Variants in RBFOX1 observed in about 807,000 individuals in gnomAD.
The protein encoded by RBFOX1 is RNA binding fox-1 homolog 1.
RBFOX1 carries 8 observed loss-of-function variants against 57.7 expected under a neutral mutation model. That is an observed-to-expected ratio of 0.14 (90% confidence interval 0.08 to 0.25). The LOEUF (loss-of-function observed/expected upper bound fraction) is 0.25, where lower values mean the gene tolerates loss of function less well. Ranked by LOEUF, RBFOX1 falls within the 10% of genes least tolerant of loss-of-function variation. The probability of loss-of-function intolerance (pLI) is 1.00; values close to 1 mark genes in which losing one functional copy is unlikely to be tolerated. For missense variants in RBFOX1, 611 were observed against 548.5 expected (o/e 1.11, Z -1.14); for synonymous variants, 326 against 222.4 (o/e 1.47, Z -4.15).
At position 6,768,758 on chromosome 16, in the gene RBFOX1, C is replaced by G. The variant is rs1461505611; in HGVS notation, c.-16+114108C>G. On this transcript the variant is annotated intron_variant, in intron 3 of 15. Transcript: ENST00000550418. ...TATTTTTCTTTTTTTTTTTTTGAGA[C>G]TTGCTTTGTCGCCAGGTTGGAGTGC... Among the ~76,000 whole-genome samples, 12 of 140,668 alleles carry G rather than the reference C, an allele frequency of 8.5e-5. No homozygotes were observed. The East Asian group carries it at 2.3e-3, about 27-fold the overall frequency. The allele number at this position is 140,668 out of a possible 152,430, so 92.3% of individuals were successfully genotyped here.
At chr16:6,404,113 AC>A (rs911036168) in intron 2 of RBFOX1, among the ~76,000 whole-genome samples, 1 of 152,164 alleles carries the variant, frequency 6.6e-6, no homozygotes, top group African/African-American at 2.4e-5. Flanking sequence ...GAGTCAACCA[AC>A]CACAGATCGA....
chr16:5,567,322 T>G (rs528508128), intron 2 of RBFOX1, among the ~76,000 whole-genome samples: 1 of 152,338 alleles, frequency 6.6e-6, no homozygotes, highest in East Asian at 1.9e-4. Context: ...TTGGTCAGGT[T>G]AAGTGGTGAA....
At chr16:6,243,678 C>G (rs1429071022) in intron 1 of RBFOX1, among the ~76,000 whole-genome samples, 1 of 152,218 alleles carries the variant, frequency 6.6e-6, no homozygotes, top group South Asian at 2.1e-4. Context: ...AACCCCTGAC[C>G]TCAGTGCATG....
intron 3 of RBFOX1, among the ~76,000 whole-genome samples, chr16:5,642,735 A>C (rs1393629259): frequency 1.3e-5 from 2 of 152,058 alleles, no homozygotes; most frequent in African/African-American, 4.8e-5. Flanking sequence ...TGCTCCCGGG[A>C]GGGGCCTCTC....
At chr16:5,917,965 C>G (rs183927599) in intron 4 of RBFOX1, among the ~76,000 whole-genome samples, 21 of 152,084 alleles carry the variant, frequency 1.4e-4, no homozygotes, top group African/African-American at 4.6e-4. Flanking sequence ...AAGAATCTGT[C>G]ACAAGTTATG....
intron 4 of RBFOX1, among the ~76,000 whole-genome samples, chr16:5,886,525 A>G (rs780342459): frequency 2.0e-5 from 3 of 152,230 alleles, no homozygotes; most frequent in Non-Finnish European, 4.4e-5. Flanking sequence ...AAACAGCAAT[A>G]ACTAACATTT....
Position 6,232,383 on chromosome 16 carries a change from T to C in RBFOX1, c.-126-84612T>C, listed in dbSNP as rs367777488. ...GAGGGCTTCCCTGGATTATAAAATATGTGTTCTTTTGAATAATGGGACCGA... is the reference window on the plus strand; with the variant it reads ...GAGGGCTTCCCTGGATTATAAAATACGTGTTCTTTTGAATAATGGGACCGA... On this transcript the variant is annotated intron_variant, in intron 1 of 15. Transcript: ENST00000550418. Among the ~76,000 whole-genome samples, 8 of 152,290 alleles carry C rather than the reference T, an allele frequency of 5.3e-5. 1 individual carries two copies. The highest frequency in any genetic ancestry group is 1.9e-4 in the African/African-American group (8 of 41,556).
chr16:7,581,737 G>A (rs2093780041), intron 6 of RBFOX1, among the ~76,000 whole-genome samples: 1 of 152,056 alleles, frequency 6.6e-6, no homozygotes, highest in African/African-American at 2.4e-5. Context: ...TTTTTAAAAA[G>A]ACAAGTTCTC....
intron 1 of RBFOX1, among the ~76,000 whole-genome samples, chr16:6,226,606 T>G (rs956987854): frequency 5.9e-5 from 9 of 152,094 alleles, no homozygotes; most frequent in African/African-American, 2.2e-4. Context: ...AGTAAAGGTA[T>G]GAAAGTCAAA....
At chr16:7,304,437 C>CCCA (rs1388283823) in intron 4 of RBFOX1, 1 of 985,360 alleles carries the variant, frequency 1.0e-6, no homozygotes, top group Non-Finnish European at 1.2e-6. Context: ...CCAACGTGGG[C>CCCA]ATGTGTCCCC....
chr16:7,316,979 CACACACAA>C (rs906996706), intron 4 of RBFOX1, among the ~76,000 whole-genome samples: 1 of 151,292 alleles, frequency 6.6e-6, no homozygotes, highest in Non-Finnish European at 1.5e-5. Flanking sequence ...CACACACACA[CACACACAA>C]ACACACACAC....
chr16:6,291,667 A>G (rs537273945), intron 1 of RBFOX1, among the ~76,000 whole-genome samples: 21 of 152,224 alleles, frequency 1.4e-4, no homozygotes, highest in African/African-American at 5.1e-4. Flanking sequence ...ACATTATCTT[A>G]TGTAAACATG....
intron 1 of RBFOX1, among the ~76,000 whole-genome samples, chr16:6,058,172 C>A (rs139163652): frequency 6.6e-6 from 1 of 152,106 alleles, no homozygotes; most frequent in Non-Finnish European, 1.5e-5. Flanking sequence ...AAGTAACATG[C>A]TTCTTTATCA....
At chr16:7,519,741 C>A in intron 5 of RBFOX1, 1 of 982,256 alleles carries the variant, frequency 1.0e-6, no homozygotes, top group Non-Finnish European at 1.2e-6. Context: ...TCGTCCTGTC[C>A]CAAGACCTCA....
At chr16:7,022,031 C>CT (rs1204565110) in intron 3 of RBFOX1, among the ~76,000 whole-genome samples, 1 of 1,092 alleles carries the variant, frequency 9.2e-4, no homozygotes, top group Non-Finnish European at 1.6e-3. Flanking sequence ...CCCTCCCCTT[C>CT]CCCTCCCCTT....
At chr16:5,684,293 A>G (rs757209390) in intron 3 of RBFOX1, among the ~76,000 whole-genome samples, 1 of 152,102 alleles carries the variant, frequency 6.6e-6, no homozygotes, top group Non-Finnish European at 1.5e-5. Context: ...AACTAATAGG[A>G]TATATATCTA....
In RBFOX1 at chr16:6,172,494, C is replaced by T. The variant is rs139644933; in HGVS notation, c.-126-144501C>T. Among the ~76,000 whole-genome samples the T allele has an allele frequency of 4.8e-3, 730 of 152,266 alleles. 7 individuals carry two copies. Among genetic ancestry groups the T allele is most frequent in the South Asian group, 0.023 (113 of 4,816 alleles). On this transcript the variant is annotated intron_variant, in intron 1 of 15. Transcript: ENST00000550418. The stretch of plus-strand genomic sequence containing the variant: ...TGTCAACCAAAAATTGCCCCTGTGG[C>T]CCCCTGTAGTGCCCCTCAACTTCAT...
At chr16:6,682,194 A>G (rs1211734482) in intron 3 of RBFOX1, among the ~76,000 whole-genome samples, 3 of 152,198 alleles carry the variant, frequency 2.0e-5, no homozygotes, top group Non-Finnish European at 2.9e-5. Flanking sequence ...GATTAGGGCA[A>G]TTAAAACAAC....
Position 7,081,152 on chromosome 16 carries a change from A to G in RBFOX1, c.27+29054A>G, listed in dbSNP as rs552605348. Among the ~76,000 whole-genome samples, 7 of 152,272 alleles carry G rather than the reference A, an allele frequency of 4.6e-5. No homozygotes were observed. In the East Asian group the frequency reaches 9.7e-4, roughly 21 times the overall value. ...CAGGTTGAAGCGATTCTCCTGCCTCAGCCTCCCAAGTAGCTGAGATTACAG... is the reference window on the plus strand; with the variant it reads ...CAGGTTGAAGCGATTCTCCTGCCTCGGCCTCCCAAGTAGCTGAGATTACAG... On this transcript the variant is annotated intron_variant, in intron 4 of 15. Transcript: ENST00000550418.
Sources: allele counts gnomAD v4.1 joint callset (sites outside exome capture counted in the v4.1 genomes callset), GRCh38; gene constraint gnomAD v4.1.1; transcripts MANE v1.5; gene names NCBI Gene and HGNC (gene_info 2026-07-23, HGNC 2026-07-21).